UBP1: variants seen among roughly 807,000 people sequenced by gnomAD.
UBP1 encodes upstream-binding protein 1.
UBP1 carries 22 observed loss-of-function variants against 76.1 expected under a neutral mutation model. That is an observed-to-expected ratio of 0.29 (90% confidence interval 0.21 to 0.41). UBP1 has a LOEUF of 0.41. Ranked by LOEUF, UBP1 falls within the 10% of genes least tolerant of loss-of-function variation. UBP1 has a pLI of 1.00. For synonymous variants in UBP1, 224 were observed against 237.1 expected (o/e 0.94, Z 0.51); for missense variants, 436 against 668.1 (o/e 0.65, Z 3.83).
intron 5 of UBP1, among the ~76,000 whole-genome samples, chr3:33,410,098 T>A (rs2044530758): frequency 1.3e-5 from 2 of 152,214 alleles, no homozygotes; most frequent in Admixed American, 1.3e-4. Flanking sequence ...TGGGGAAATT[T>A]TACAGTCCAG....
intron 1 of UBP1, among the ~76,000 whole-genome samples, chr3:33,431,437 G>C (rs530319691): frequency 5.9e-5 from 9 of 152,196 alleles, no homozygotes; most frequent in South Asian, 2.1e-4. Context: ...TCACAAGCCA[G>C]TACAGCATAT....
chr3:33,412,891 C>T, intron 3 of UBP1, 64 bp from the exon 4 acceptor site: 1 of 1,053,644 alleles, frequency 9.5e-7, no homozygotes, highest in Non-Finnish European at 1.5e-6. Context: ...AGGACCATTT[C>T]TACTTCTTAT....
intron 1 of UBP1, among the ~76,000 whole-genome samples, chr3:33,438,513 T>C (rs1271350394): frequency 1.3e-5 from 2 of 152,168 alleles, no homozygotes; most frequent in African/African-American, 4.8e-5. Context: ...GAAACAGCTG[T>C]TTTAGAAAAT....
intron 2 of UBP1, among the ~76,000 whole-genome samples, chr3:33,422,749 A>C: frequency 9.8e-6 from 1 of 102,048 alleles, no homozygotes; most frequent in South Asian, 3.9e-4. Context: ...GGAGAGGGGG[A>C]GGGAGAGGAG....
intron 1 of UBP1, among the ~76,000 whole-genome samples, chr3:33,426,656 T>TG (rs2045023225): frequency 6.6e-6 from 1 of 152,214 alleles, no homozygotes; most frequent in Admixed American, 6.5e-5. Context: ...ATTTGCTATT[T>TG]GGGACATTTA....
chr3:33,393,182 T>C, intron 14 of UBP1, 130 bp downstream of exon 14: 1 of 1,017,472 alleles, frequency 9.8e-7, no homozygotes, highest in Non-Finnish European at 1.4e-6. Context: ...TCCAAAGTGA[T>C]TCCCAACTCT....
At chr3:33,415,226 A>T (rs908923927) in intron 3 of UBP1, among the ~76,000 whole-genome samples, 10 of 152,238 alleles carry the variant, frequency 6.6e-5, no homozygotes, top group African/African-American at 2.2e-4. Flanking sequence ...TGCCCTGGAA[A>T]GCCAGCTTGT....
chr3:33,432,156 A>C (rs2045125095), intron 1 of UBP1, among the ~76,000 whole-genome samples: 1 of 152,064 alleles, frequency 6.6e-6, no homozygotes, highest in African/African-American at 2.4e-5. Context: ...CCCCGTCTCT[A>C]CAAAAAATAG....
intron 1 of UBP1, among the ~76,000 whole-genome samples, chr3:33,439,430 A>ATTT (rs2154060459): frequency 6.6e-6 from 1 of 152,380 alleles, no homozygotes; most frequent in South Asian, 2.1e-4. Context: ...TATAAGGAAA[A>ATTT]GAAGCCCCTT....
At chr3:33,421,593 C>T (rs1039984602) in intron 2 of UBP1, among the ~76,000 whole-genome samples, 14 of 152,126 alleles carry the variant, frequency 9.2e-5, no homozygotes, top group Non-Finnish European at 1.8e-4. Context: ...AGTTTTTAAA[C>T]TCAGTCCCTC....
At chr3:33,417,723 T>C (rs2044765721) in intron 2 of UBP1, among the ~76,000 whole-genome samples, 1 of 152,150 alleles carries the variant, frequency 6.6e-6, no homozygotes, top group African/African-American at 2.4e-5. Context: ...ATAATAAAAA[T>C]GACAGTATAA....
chr3:33,423,583 G>C (rs1042859629), intron 2 of UBP1, among the ~76,000 whole-genome samples: 1 of 152,150 alleles, frequency 6.6e-6, no homozygotes, highest in Non-Finnish European at 1.5e-5. Flanking sequence ...AAGGGAGCCT[G>C]CTGGAGTACT....
chr3:33,423,017 T>C (rs1477362010), intron 2 of UBP1, among the ~76,000 whole-genome samples: 1 of 150,120 alleles, frequency 6.7e-6, no homozygotes, highest in Non-Finnish European at 1.5e-5. Flanking sequence ...AAAGTACAGT[T>C]CCTTTAAAAT....
intron 2 of UBP1, among the ~76,000 whole-genome samples, chr3:33,425,026 T>C (rs536447315): frequency 4.6e-5 from 7 of 151,814 alleles, no homozygotes; most frequent in East Asian, 3.9e-4. Context: ...GCCTGGGCGA[T>C]AGAGCAAAAC....
chr3:33,394,431 C>T (rs1312281884), intron 13 of UBP1, among the ~76,000 whole-genome samples: 3 of 151,958 alleles, frequency 2.0e-5, no homozygotes, highest in Non-Finnish European at 4.4e-5. Context: ...CCCTCCCCCA[C>T]AAAAAATTTT....
chr3:33,434,861 A>G (rs1322574392), intron 1 of UBP1, among the ~76,000 whole-genome samples: 2 of 150,538 alleles, frequency 1.3e-5, no homozygotes, highest in Non-Finnish European at 3.0e-5. Flanking sequence ...TAATTTTCGT[A>G]TTTTTAGTAG....
chr3:33,401,250 A>G (rs1212898833), intron 9 of UBP1, among the ~76,000 whole-genome samples: 1 of 152,218 alleles, frequency 6.6e-6, no homozygotes, highest in Admixed American at 6.5e-5. Flanking sequence ...CATCTGTACT[A>G]GTAAGAAATT....
At chr3:33,412,899 T>TA in intron 3 of UBP1, 72 bp from the exon 4 acceptor site, 1 of 981,466 alleles carries the variant, frequency 1.0e-6, no homozygotes, top group South Asian at 1.3e-5. Context: ...TTCTACTTCT[T>TA]ATGTGTTAAC....
Position 33,439,820 on chromosome 3 carries a change from A to G in UBP1, c.29T>C (p.Val10Ala). The G allele has an allele frequency of 6.2e-7, 1 of 1,612,480 alleles. No individual in the cohort carries two copies. The highest frequency in any genetic ancestry group is 8.5e-7 in the Non-Finnish European group (1 of 1,179,628). Residue 10 changes from valine to alanine, a missense_variant, in exon 1 of 16, where the codon GTG becomes GCG. By Grantham distance (64) the Val-to-Ala change is moderately conservative (BLOSUM62 0). This residue lies in a region of UBP1 where 161 missense variants were observed against 237.9 expected (regional missense o/e 0.68). Coordinates refer to ENST00000283629, the MANE Select transcript of UBP1 (RefSeq NM_014517.5). ...GTCGTGCACCAGCCCGGACTCGATC[A>G]CCTCGTCCATCTTGAGCACCCAGGC... Reference protein sequence around the residue: MAWVLKMDEVIESGLVHDFD... With the variant: MAWVLKMDEAIESGLVHDFD...
Sources: allele counts gnomAD v4.1 joint callset (sites outside exome capture counted in the v4.1 genomes callset), GRCh38; gene constraint gnomAD v4.1.1; regional missense constraint gnomAD v4.1.1; transcripts MANE v1.5; gene names NCBI Gene and HGNC (gene_info 2026-07-23, HGNC 2026-07-21).